Variants in GRM5 observed in about 807,000 individuals in gnomAD.
GRM5 encodes metabotropic glutamate receptor 5.
A neutral mutation model predicts 83.1 loss-of-function variants in GRM5; 19 were observed. The ratio of observed to expected loss-of-function variants is 0.23; its 90% CI spans 0.16 to 0.34. The LOEUF (loss-of-function observed/expected upper bound fraction) is 0.34. Ranked by LOEUF, GRM5 falls within the 10% of genes least tolerant of loss-of-function variation. GRM5 has a pLI of 1.00. For synonymous variants in GRM5, 675 were observed against 633.6 expected, an observed-to-expected ratio of 1.07 and a Z score of -0.98; for missense variants, 1,160 against 1,588.3, an observed-to-expected ratio of 0.73 and a Z score of 4.58.
intron 2 of GRM5, among the ~76,000 whole-genome samples, chr11:88,883,081 T>A (rs1426884013): frequency 1.3e-5 from 2 of 152,216 alleles, no homozygotes; most frequent in Admixed American, 6.5e-5. Context: ...GATTAACCAG[T>A]CTTGGGTATG....
intron 3 of GRM5, among the ~76,000 whole-genome samples, chr11:88,743,790 C>A (rs1443891420): frequency 6.6e-6 from 1 of 152,074 alleles, no homozygotes; most frequent in Non-Finnish European, 1.5e-5. Context: ...TAGTCACTAA[C>A]CAAAAATGGC....
intron 4 of GRM5, among the ~76,000 whole-genome samples, chr11:88,611,643 T>C (rs2135241937): frequency 6.6e-6 from 1 of 152,294 alleles, no homozygotes; most frequent in Non-Finnish European, 1.5e-5. Flanking sequence ...ATCAATATTG[T>C]TTAATCTTTC....
At chr11:88,898,366 T>C (rs1319647811) in intron 2 of GRM5, among the ~76,000 whole-genome samples, 1 of 152,000 alleles carries the variant, frequency 6.6e-6, no homozygotes, top group African/African-American at 2.4e-5. Flanking sequence ...TCACATTCTG[T>C]AGTAATGGGC....
At chr11:88,698,364 T>C (rs1262190653) in intron 3 of GRM5, among the ~76,000 whole-genome samples, 2 of 152,218 alleles carry the variant, frequency 1.3e-5, no homozygotes, top group African/African-American at 4.8e-5. Context: ...CATGTATTGT[T>C]TCCTCTGCCT....
intron 2 of GRM5, chr11:88,984,824 T>A: frequency 2.7e-6 from 2 of 741,000 alleles, no homozygotes; most frequent in Non-Finnish European, 5.1e-6. Flanking sequence ...CAGGGCATCA[T>A]ATACTAAAGA....
At position 88,630,590 on chromosome 11, in the gene GRM5, C is replaced by T. The variant is rs959209958; in HGVS notation, c.1147+22578G>A. 8.5e-5 allele frequency among the ~76,000 whole-genome samples: 11 copies of T among 129,398 alleles called. No homozygotes were observed. The East Asian group carries it at 1.6e-3, about 19-fold the overall frequency. The allele number at this position is 129,398 out of a possible 152,430, so 84.9% of individuals were successfully genotyped here. On this transcript the variant is annotated intron_variant, in intron 4 of 9. Transcript: ENST00000305447. ...ACACACACAAACACACACACACACA[C>T]ATATTATGATGGAGTTTCATTCTTG...
chr11:89,000,865 G>T (rs1293412423), intron 2 of GRM5, among the ~76,000 whole-genome samples: 1 of 151,850 alleles, frequency 6.6e-6, no homozygotes, highest in Non-Finnish European at 1.5e-5. Context: ...TGTTTAAAAA[G>T]AATGCTCATT....
intron 2 of GRM5, among the ~76,000 whole-genome samples, chr11:88,907,326 G>A (rs564877150): frequency 6.6e-6 from 1 of 152,190 alleles, no homozygotes; most frequent in Non-Finnish European, 1.5e-5. Context: ...CCCACAGAGG[G>A]ACCACAGGAG....
In GRM5 at chr11:88,646,838, G is replaced by C. The variant is rs117573789; in HGVS notation, c.1147+6330C>G. On this transcript the variant is annotated intron_variant, in intron 4 of 9. Transcript: ENST00000305447. ...TTGCAGGTTCTGACTGCAAAATTCA[G>C]TTTGAGGATCTCTCTTGGTTAAAAT... 6.1e-3 allele frequency among the ~76,000 whole-genome samples: 914 copies of C among 148,780 alleles called. 13 individuals are homozygous for C. In the East Asian group the frequency reaches 0.068, roughly 11 times the overall value.
chr11:88,820,556 T>A (rs1943772026), intron 3 of GRM5, among the ~76,000 whole-genome samples: 1 of 152,192 alleles, frequency 6.6e-6, no homozygotes. Context: ...TGAACCTGGC[T>A]TTTACAGTTA....
intron 8 of GRM5, among the ~76,000 whole-genome samples, chr11:88,552,342 A>G (rs1029153978): frequency 5.3e-5 from 8 of 152,064 alleles, no homozygotes; most frequent in African/African-American, 1.9e-4. Flanking sequence ...TATCATTTTT[A>G]TGGTTATGGA....
chr11:88,624,384 A>C (rs1422626775), intron 4 of GRM5, among the ~76,000 whole-genome samples: 1 of 152,200 alleles, frequency 6.6e-6, no homozygotes, highest in Non-Finnish European at 1.5e-5. Flanking sequence ...TCTGCTGAAT[A>C]AACTTAATTA....
intron 2 of GRM5, among the ~76,000 whole-genome samples, chr11:88,974,490 T>C (rs1456069554): frequency 2.6e-5 from 4 of 152,102 alleles, no homozygotes; most frequent in African/African-American, 9.7e-5. Context: ...TAATATTAAT[T>C]GGTGTATGTA....
rs558578949 is a variant in GRM5 at position 88,509,295 on chromosome 11, C to T, written c.2936G>A (p.Gly979Asp). 4.7e-6 allele frequency: 7 copies of T among 1,499,452 alleles called. No individual in the cohort carries two copies. In the Admixed American group the frequency reaches 1.7e-4, roughly 37 times the overall value. 92.9% of individuals were successfully genotyped at this position (1,499,452 alleles called of 1,614,324 possible). ...TGGGCCGGCGCCTGCGCAGCCCGCA[C>T]CGCCCGTGGCCCCCACGCCCCCAGC... ...GSAGGVGATG[G>D]AGCAGAGPGG... Residue 979 changes from glycine (G) to aspartate (D), a missense_variant, in exon 10 of 10, where the codon GGT (glycine) becomes GAT (aspartate). Coordinates refer to ENST00000305447, the MANE Select transcript of GRM5 (RefSeq NM_001143831.3).
intron 3 of GRM5, among the ~76,000 whole-genome samples, chr11:88,717,090 A>C (rs1412148615): frequency 6.6e-6 from 1 of 151,992 alleles, no homozygotes; most frequent in Non-Finnish European, 1.5e-5. Flanking sequence ...AAAGCTAAGG[A>C]ATGCAACTGT....
At chr11:88,879,960 T>C (rs932560989) in intron 2 of GRM5, among the ~76,000 whole-genome samples, 2 of 152,082 alleles carry the variant, frequency 1.3e-5, no homozygotes, top group African/African-American at 4.8e-5. Flanking sequence ...AATAGATGCA[T>C]GTATTTAATG....
intron 2 of GRM5, among the ~76,000 whole-genome samples, chr11:88,931,683 G>A (rs962414692): frequency 1.3e-5 from 2 of 151,994 alleles, no homozygotes; most frequent in Admixed American, 6.6e-5. Context: ...CCTTTGTACC[G>A]GCTCTATATC....
intron 2 of GRM5, among the ~76,000 whole-genome samples, chr11:88,994,833 T>C (rs1940126170): frequency 1.3e-5 from 2 of 152,090 alleles, no homozygotes; most frequent in South Asian, 4.1e-4. Context: ...AGCTTCCCTG[T>C]TACTGTACAT....
rs143286541 is a variant in GRM5, at chr11:89,003,805, T to A, written c.661+43407A>T. On this transcript the variant is annotated intron_variant, in intron 2 of 9. Transcript: ENST00000305447. ...AAATTTAAGTAAAGCCAGTCAGTAG[T>A]GTTTTGTGTTTGATCCAGCCCTGTT... Among the ~76,000 whole-genome samples, 1,180 of 152,254 alleles carry A rather than the reference T, an allele frequency of 7.8e-3. 10 individuals are homozygous for A. Among genetic ancestry groups the A allele is most frequent in the African/African-American group, 0.021 (863 of 41,544 alleles).
Sources: allele counts gnomAD v4.1 joint callset (sites outside exome capture counted in the v4.1 genomes callset), GRCh38; gene constraint gnomAD v4.1.1; transcripts MANE v1.5; gene names NCBI Gene and HGNC (gene_info 2026-07-23, HGNC 2026-07-21).